The following BNC1 variants were observed in gnomAD, a reference collection of about 807,000 sequenced individuals.
BNC1 encodes the protein zinc finger protein basonuclin-1.
Under a neutral mutation model 66.5 loss-of-function variants are expected in BNC1, and 8 were observed. The ratio of observed to expected loss-of-function variants is 0.12; its 90% CI spans 0.07 to 0.22. BNC1 has a LOEUF of 0.22. Ranked by LOEUF, BNC1 falls within the 10% of genes least tolerant of loss-of-function variation. BNC1 has a pLI of 1.00. For synonymous variants in BNC1, 454 were observed against 452.6 expected, an observed-to-expected ratio of 1.00 and a Z score of -0.04; for missense variants, 1,069 against 1,241.3, an observed-to-expected ratio of 0.86 and a Z score of 2.09.
intron 2 of BNC1, 74 bp from the exon 3 acceptor site, chr15:83,267,145 G>C: frequency 2.6e-6 from 3 of 1,166,204 alleles, no homozygotes; most frequent in Non-Finnish European, 3.7e-6. Flanking sequence ...AAAAAAGTAG[G>C]TTAGGACCAA....
intron 4 of BNC1, among the ~76,000 whole-genome samples, chr15:83,258,512 A>G (rs952758570): frequency 6.6e-6 from 1 of 152,160 alleles, no homozygotes; most frequent in Non-Finnish European, 1.5e-5. Context: ...GTGCCCTCCC[A>G]TGTGCCCACA....
intron 1 of BNC1, among the ~76,000 whole-genome samples, chr15:83,281,046 A>AT (rs1354209835): frequency 6.6e-6 from 1 of 152,182 alleles, no homozygotes; most frequent in African/African-American, 2.4e-5. Context: ...CTGTTTGCCG[A>AT]TAACTAACTA....
chr15:83,276,028 C>T (rs1211252362), intron 1 of BNC1, among the ~76,000 whole-genome samples: 1 of 152,178 alleles, frequency 6.6e-6, no homozygotes, highest in African/African-American at 2.4e-5. Context: ...TTGGCCTCAA[C>T]CTATGTCTTA....
rs1485542533 is a variant in BNC1, at chr15:83,266,923, G to A, written c.348C>T (p.Phe116=). Residue 116 remains phenylalanine, a synonymous_variant, in exon 3 of 5, where the codon TTC becomes TTT. Coordinates refer to ENST00000345382, the MANE Select transcript of BNC1 (RefSeq NM_001717.4). Reference sequence around the variant, plus strand: ...GAACCTCATCTTGCTTCAACACACTGAAGAGCCGGTCCAGTAGGATTTTTA... The same window carrying A: ...GAACCTCATCTTGCTTCAACACACTAAAGAGCCGGTCCAGTAGGATTTTTA... ...VRLKILLDRL[F]SVLKQDEVLQ... 6.8e-6 allele frequency: 11 copies of A among 1,614,196 alleles called. No individual in the cohort carries two copies. The East Asian group carries it at 2.5e-4, about 36-fold the overall frequency.
At chr15:83,278,655 A>G (rs2151440127) in intron 1 of BNC1, among the ~76,000 whole-genome samples, 1 of 152,348 alleles carries the variant, frequency 6.6e-6, no homozygotes, top group East Asian at 1.9e-4. Context: ...TTATCTCTGA[A>G]TGTGGATCAA....
chr15:83,266,069 T>C (rs2038214391), intron 3 of BNC1, among the ~76,000 whole-genome samples: 1 of 152,182 alleles, frequency 6.6e-6, no homozygotes, highest in Non-Finnish European at 1.5e-5. Flanking sequence ...TCAGGAAACA[T>C]GTTCTTTGCT....
rs567550813 is a variant in BNC1, at chr15:83,262,353, A to G, written c.2300+598T>C. Among the ~76,000 whole-genome samples, 99 of 152,224 alleles carry G rather than the reference A, an allele frequency of 6.5e-4. 4 individuals carry two copies. In the South Asian group the frequency reaches 0.019, roughly 29 times the overall value. On this transcript the variant is annotated intron_variant, in intron 4 of 4. Coordinates refer to ENST00000345382, the MANE Select transcript of BNC1 (RefSeq NM_001717.4). ...GGGATGAGCCACCGCGCCTGGCCAT[A>G]GTTCATGATTTCTTATCCCACACCC...
intron 3 of BNC1, among the ~76,000 whole-genome samples, chr15:83,265,080 G>A (rs2038202188): frequency 6.6e-6 from 1 of 152,144 alleles, no homozygotes; most frequent in African/African-American, 2.4e-5. Flanking sequence ...TGAAGTCAGG[G>A]AAATGTAGTG....
intron 1 of BNC1, among the ~76,000 whole-genome samples, chr15:83,271,639 TGTACATAC>T (rs1397885964): frequency 6.6e-6 from 1 of 152,176 alleles, no homozygotes; most frequent in African/African-American, 2.4e-5. Flanking sequence ...TAAACACAGA[TGTACATAC>T]ATACATAAAC....
At chr15:83,272,968 C>T (rs1446224230) in intron 1 of BNC1, among the ~76,000 whole-genome samples, 7 of 152,120 alleles carry the variant, frequency 4.6e-5, no homozygotes, top group East Asian at 1.9e-4. Flanking sequence ...CCAGACACTA[C>T]CAAATGCCCT....
chr15:83,283,196 A>C, intron 1 of BNC1: 1 of 1,535,682 alleles, frequency 6.5e-7, no homozygotes, highest in Non-Finnish European at 8.7e-7. Flanking sequence ...TGAGAAGAAC[A>C]TGTTTCTACA....
intron 1 of BNC1, among the ~76,000 whole-genome samples, chr15:83,269,011 G>A (rs560767219): frequency 6.6e-6 from 1 of 152,324 alleles, no homozygotes; most frequent in East Asian, 1.9e-4. Flanking sequence ...GGATCACGAA[G>A]TCAGGAGTTC....
chr15:83,269,781 T>C (rs889677489), intron 1 of BNC1, among the ~76,000 whole-genome samples: 7 of 152,184 alleles, frequency 4.6e-5, no homozygotes, highest in Non-Finnish European at 1.5e-5. Flanking sequence ...TGAATGTTCA[T>C]AGCAGATTAT....
chr15:83,269,689 T>C (rs1051552096), intron 1 of BNC1, among the ~76,000 whole-genome samples: 4 of 152,126 alleles, frequency 2.6e-5, no homozygotes, highest in East Asian at 1.9e-4. Context: ...AAGTTAAACA[T>C]AGAGTTACTA....
chr15:83,265,560 C>T (rs1184011059), intron 3 of BNC1, among the ~76,000 whole-genome samples: 6 of 152,146 alleles, frequency 3.9e-5, no homozygotes, highest in Non-Finnish European at 8.8e-5. Context: ...AATCCTAACA[C>T]TAGAAAGCAA....
At position 83,269,450 on chromosome 15, in the gene BNC1, C is replaced by T. The variant is rs939580526; in HGVS notation, c.100-1218G>A. On this transcript the variant is annotated intron_variant, in intron 1 of 4. Coordinates refer to ENST00000345382, the MANE Select transcript of BNC1 (RefSeq NM_001717.4). ...GTGCGTGTGTGTGTGTGTGTGCGCG[C>T]GCATCTGGAGGAGGGATAAAAAAGC... Among the ~76,000 whole-genome samples the T allele has an allele frequency of 5.9e-5, 9 of 151,786 alleles. No homozygotes were observed. In the South Asian group the frequency reaches 6.2e-4, roughly 11 times the overall value.
chr15:83,262,030 T>C lies in BNC1; in HGVS notation c.2300+921A>G, dbSNP rs548949450. Among the ~76,000 whole-genome samples the C allele has an allele frequency of 1.5e-4, 22 of 151,150 alleles. 1 individual carries two copies. In the South Asian group the frequency reaches 4.6e-3, roughly 32 times the overall value. On this transcript the variant is annotated intron_variant, in intron 4 of 4. Transcript: ENST00000345382. ...TTACGCTTTACTCAACCTGCTAATG[T>C]GACAACTAGTTCATGTTTTTTTTTT... is the stretch of plus-strand genomic sequence containing the variant.
At chr15:83,260,131 A>C (rs1328093381) in intron 4 of BNC1, among the ~76,000 whole-genome samples, 2 of 152,122 alleles carry the variant, frequency 1.3e-5, no homozygotes, top group African/African-American at 4.8e-5. Context: ...TGCCTTTTTC[A>C]CTTTCATTGT....
chr15:83,264,925 G>C lies in BNC1; in HGVS notation c.436-110C>G, dbSNP rs1051519384. Reference sequence around the variant, plus strand: ...GATACTTTTGTGCATATAGGAAAAAGATGAATGCAGGGCTTTGGGGAATTT... The same window carrying C: ...GATACTTTTGTGCATATAGGAAAAACATGAATGCAGGGCTTTGGGGAATTT... On this transcript the variant is annotated intron_variant, in intron 3 of 4. Transcript: ENST00000345382. The C allele has an allele frequency of 1.6e-5, 18 of 1,130,816 alleles. No homozygotes were observed. The South Asian group carries it at 2.2e-4, about 14-fold the overall frequency. The allele number at this position is 1,130,816 out of a possible 1,614,324, so 70.0% of individuals were successfully genotyped here.
Sources: allele counts gnomAD v4.1 joint callset (sites outside exome capture counted in the v4.1 genomes callset), GRCh38; gene constraint gnomAD v4.1.1; transcripts MANE v1.5; gene names NCBI Gene and HGNC (gene_info 2026-07-23, HGNC 2026-07-21).